Variants in PRICKLE1 observed in about 807,000 individuals in gnomAD.
PRICKLE1 encodes prickle planar cell polarity protein 1.
In PRICKLE1, 14 loss-of-function variants were observed where a neutral mutation model predicts 70.2. The observed-to-expected ratio is 0.20, with a 90% CI of 0.13 to 0.31. The LOEUF is 0.31. Ranked by LOEUF, PRICKLE1 falls within the 10% of genes least tolerant of loss-of-function variation. The pLI is 1.00. For missense variants in PRICKLE1, 821 were observed against 1,026.2 expected, an observed-to-expected ratio of 0.80 and a Z score of 2.73; for synonymous variants, 357 against 379.9, an observed-to-expected ratio of 0.94 and a Z score of 0.70.
chr12:42,526,380 C>T (rs766217179), intron 1 of PRICKLE1, among the ~76,000 whole-genome samples: 47 of 151,120 alleles, frequency 3.1e-4, no homozygotes, highest in Non-Finnish European at 1.3e-4. Context: ...GAGGAGTTGG[C>T]GGGGGCAGAG....
chr12:42,577,144 A>C (rs538647120), intron 1 of PRICKLE1, among the ~76,000 whole-genome samples: 1 of 152,376 alleles, frequency 6.6e-6, no homozygotes, highest in African/African-American at 2.4e-5. Context: ...CTGTGTGTCA[A>C]CAAGTGAACA....
At position 42,460,481 on chromosome 12, in the gene PRICKLE1, C is replaced by A. The variant is rs1275231169; in HGVS notation, c.1824G>T (p.Leu608=). ...LSSELCPEKI[L]PEEKPVHLPV... is the part of the protein sequence containing the mutation. ...GCAGATGTACTGGCTTCTCTTCAGG[C>A]AGGATTTTCTCTGGACACAACTCTG... Residue 608 remains leucine (L), a synonymous_variant, in exon 8 of 8, where the codon CTG becomes CTT. Transcript: ENST00000345127. 1 of 1,613,750 alleles carries A rather than the reference C, an allele frequency of 6.2e-7. No individual in the cohort carries two copies.
At chr12:42,540,223 GA>G (rs1285723204) in intron 1 of PRICKLE1, among the ~76,000 whole-genome samples, 13 of 152,332 alleles carry the variant, frequency 8.5e-5, no homozygotes, top group African/African-American at 3.1e-4. Flanking sequence ...GAGGATAACT[GA>G]TAGAATGTTT....
intron 1 of PRICKLE1, among the ~76,000 whole-genome samples, chr12:42,489,474 A>G (rs1939052140): frequency 6.6e-6 from 1 of 150,582 alleles, no homozygotes; most frequent in Non-Finnish European, 1.5e-5. Context: ...AGCCTGGCCA[A>G]CATGGTGAAA....
intron 1 of PRICKLE1, among the ~76,000 whole-genome samples, chr12:42,518,347 G>A (rs1010102641): frequency 6.6e-6 from 1 of 152,186 alleles, no homozygotes; most frequent in Non-Finnish European, 1.5e-5. Context: ...ACCGGCTGAG[G>A]ATGGATGTCT....
intron 1 of PRICKLE1, among the ~76,000 whole-genome samples, chr12:42,478,520 T>C (rs1372639165): frequency 6.6e-6 from 1 of 152,110 alleles, no homozygotes; most frequent in Non-Finnish European, 1.5e-5. Context: ...AAAGATGGCA[T>C]TGGGAGGGGG....
intron 1 of PRICKLE1, among the ~76,000 whole-genome samples, chr12:42,542,035 T>C (rs1004068418): frequency 6.6e-6 from 1 of 152,236 alleles, no homozygotes; most frequent in Admixed American, 6.5e-5. Flanking sequence ...GCTAGTATAA[T>C]TGTTTTATCT....
intron 1 of PRICKLE1, among the ~76,000 whole-genome samples, chr12:42,546,241 G>T (rs1940210444): frequency 6.6e-6 from 1 of 152,134 alleles, no homozygotes; most frequent in African/African-American, 2.4e-5. Context: ...CATTGCTTAA[G>T]GGTAAAGTTA....
Position 42,511,612 on chromosome 12 carries a change from G to C in PRICKLE1, c.-48-39048C>G, listed in dbSNP as rs1417498765. Among the ~76,000 whole-genome samples the C allele has an allele frequency of 3.3e-5, 5 of 152,124 alleles. No individual in the cohort carries two copies. The East Asian group carries it at 9.6e-4, about 29-fold the overall frequency. Reference sequence around the variant, plus strand: ...TTCCCAAATCAGGTTCCACAGGAGAGGGGGGTATGGAAATCCAATGTCTGT... The same window carrying C: ...TTCCCAAATCAGGTTCCACAGGAGACGGGGGTATGGAAATCCAATGTCTGT... On this transcript the variant is annotated intron_variant, in intron 1 of 7. Coordinates refer to ENST00000345127, the MANE Select transcript of PRICKLE1 (RefSeq NM_153026.3).
chr12:42,460,523 G>A lies in PRICKLE1; in HGVS notation c.1782C>T (p.Ser594=). 1 of 1,614,032 alleles carries A rather than the reference G, an allele frequency of 6.2e-7. No individual in the cohort carries two copies. The highest frequency in any genetic ancestry group is 8.5e-7 in the Non-Finnish European group (1 of 1,179,950). ...NSSMLHRSAE[S]LKSLSSELCP... The stretch of plus-strand genomic sequence containing the variant: ...ACAACTCTGAACTTAGACTCTTTAA[G>A]GACTCTGCACTCCTGTGCAGCATGG... Residue 594 remains serine, a synonymous_variant, in exon 8 of 8, where the codon TCC becomes TCT. Transcript: ENST00000345127.
chr12:42,493,648 C>T (rs891146946), intron 1 of PRICKLE1, among the ~76,000 whole-genome samples: 1 of 151,870 alleles, frequency 6.6e-6, no homozygotes, highest in Non-Finnish European at 1.5e-5. Context: ...CTCAGGATAC[C>T]CTCCTTCTTG....
intron 1 of PRICKLE1, among the ~76,000 whole-genome samples, chr12:42,532,376 T>C (rs904677397): frequency 2.6e-5 from 4 of 152,258 alleles, no homozygotes; most frequent in Admixed American, 6.5e-5. Flanking sequence ...ACTCACATAA[T>C]AGAAAATTAT....
chr12:42,462,378 TTTAGTAGAGACAGGGTTTTGCTATG>T (rs1031491867), intron 7 of PRICKLE1, among the ~76,000 whole-genome samples: 1 of 151,972 alleles, frequency 6.6e-6, no homozygotes, highest in Admixed American at 6.6e-5. Context: ...TTTTCGTATT[TTTAGTAGAGACAGGGTTTTGCTATG>T]TTGGCCAGGC....
Position 42,459,556 on chromosome 12 carries a change from C to CG in PRICKLE1, c.*252dup, listed in dbSNP as rs1184572649. On this transcript the variant is annotated 3_prime_UTR_variant, in exon 8 of 8. Transcript: ENST00000345127. ...GAGGACTGGAAAACCAAAGCAGCTACGTCCATCTGTAACGCACCCGCACCG... is the reference window on the plus strand; with the variant it reads ...GAGGACTGGAAAACCAAAGCAGCTACGGTCCATCTGTAACGCACCCGCACCG... 4.9e-6 allele frequency: 3 copies of CG among 617,924 alleles called. No individual in the cohort carries two copies. Among genetic ancestry groups the CG allele is most frequent in the Non-Finnish European group, 8.6e-6 (3 of 348,464 alleles). The allele number at this position is 617,924 out of a possible 1,614,324, so 38.3% of individuals were successfully genotyped here. A position where few individuals can be genotyped will look rare whatever the true frequency, so the allele number is the denominator to read the frequency against.
intron 1 of PRICKLE1, among the ~76,000 whole-genome samples, chr12:42,548,996 A>G (rs1940259650): frequency 6.6e-6 from 1 of 151,538 alleles, no homozygotes; most frequent in African/African-American, 2.4e-5. Context: ...GCTTGTGCCT[A>G]TATTCCCAGC....
rs747238949 is a variant in PRICKLE1 at position 42,470,226 on chromosome 12, C to A, written c.246+20G>T. On this transcript the variant is annotated intron_variant, in intron 3 of 7. Coordinates refer to ENST00000345127, the MANE Select transcript of PRICKLE1 (RefSeq NM_153026.3). The stretch of plus-strand genomic sequence containing the variant: ...ATTTTTTCTTCTTTTTTCTAATTAG[C>A]CTTCTTCCTGCTATTTTACCTCATT... 2.0e-6 allele frequency: 3 copies of A among 1,516,226 alleles called. No homozygotes were observed. In the Admixed American group the frequency reaches 5.0e-5, roughly 25 times the overall value. The allele number at this position is 1,516,226 out of a possible 1,614,324, so 93.9% of individuals were successfully genotyped here.
In PRICKLE1 at chr12:42,483,757, C is replaced by G. The variant is rs1460972014; in HGVS notation, c.-48-11193G>C. The G allele has an allele frequency of 3.3e-5, 5 of 151,662 alleles. No homozygotes were observed. The South Asian group carries it at 8.3e-4, about 25-fold the overall frequency. 9.4% of individuals were successfully genotyped at this position (151,662 alleles called of 1,614,324 possible). On this transcript the variant is annotated intron_variant, in intron 1 of 7. Transcript: ENST00000345127. ...TGGCGGCGCAGCGCGGCGATCCTCA[C>G]CCGCTGCAGCCCCTCAGCAGCCGTG...
At chr12:42,466,119 G>T (rs1452630748) in intron 6 of PRICKLE1, 75 bp downstream of exon 6, 4 of 1,517,972 alleles carry the variant, frequency 2.6e-6, no homozygotes, top group African/African-American at 2.7e-5. Flanking sequence ...AACAGAAAAA[G>T]AAAAAATAAG....
chr12:42,502,159 C>CTA (rs1020602421), intron 1 of PRICKLE1, among the ~76,000 whole-genome samples: 22 of 149,118 alleles, frequency 1.5e-4, no homozygotes, highest in South Asian at 6.4e-4. Context: ...GTATATACAC[C>CTA]TATATATATA....
Sources: gnomAD v4.1 joint callset for allele counts (sites outside exome capture counted in the v4.1 genomes callset) on GRCh38, gnomAD v4.1.1 for gene constraint, MANE v1.5 for transcripts, NCBI Gene and HGNC (gene_info 2026-07-23, HGNC 2026-07-21) for gene names.